DNAJC13: variants seen among roughly 807,000 people sequenced by gnomAD.
DNAJC13 encodes dnaJ homolog subfamily C member 13.
A neutral mutation model predicts 290.5 loss-of-function variants in DNAJC13; 75 were observed. The observed-to-expected ratio is 0.26, with a 90% CI of 0.21 to 0.31. DNAJC13 has a LOEUF of 0.31. Ranked by LOEUF, DNAJC13 falls within the 10% of genes least tolerant of loss-of-function variation. DNAJC13 has a pLI of 1.00. For synonymous variants in DNAJC13, 862 were observed against 892.0 expected (o/e 0.97, Z 0.60); for missense variants, 2,260 against 2,674.5 (o/e 0.85, Z 3.42).
Position 132,481,245 on chromosome 3 carries a change from T to C in DNAJC13, c.2874+775T>C, listed in dbSNP as rs115365651. 1.9e-3 allele frequency among the ~76,000 whole-genome samples: 282 copies of C among 152,276 alleles called. 3 individuals carry two copies. Among genetic ancestry groups the C allele is most frequent in the African/African-American group, 6.5e-3 (272 of 41,548 alleles). ...GAGTCTAACTGAAAGCTGATAATTA[T>C]GGCAGTATTTAAAAACATGTTATTT... On this transcript the variant is annotated intron_variant, in intron 26 of 55. Coordinates refer to ENST00000260818, the MANE Select transcript of DNAJC13 (RefSeq NM_015268.4).
In DNAJC13 at chr3:132,474,937, G is replaced by T; in HGVS notation, c.2297G>T (p.Gly766Val). Residue 766 changes from glycine (G) to valine (V), a missense_variant, in exon 22 of 56, where the codon GGT becomes GTT. Gly to Val is a moderately radical substitution (Grantham distance 109). Coordinates refer to ENST00000260818, the MANE Select transcript of DNAJC13 (RefSeq NM_015268.4). ...ANWDLFYYRF[G>V]QDHARSNLIW... is the part of the protein sequence containing the mutation. Reference sequence around the variant, plus strand: ...CTCATTATATGTATGTCTAGGTTTGGTCAAGACCATGCCAGGTCAAACCTT... The same window carrying T: ...CTCATTATATGTATGTCTAGGTTTGTTCAAGACCATGCCAGGTCAAACCTT... 1 of 1,557,066 alleles carries T rather than the reference G, an allele frequency of 6.4e-7. No individual in the cohort carries two copies. The highest frequency in any genetic ancestry group is 8.7e-7 in the Non-Finnish European group (1 of 1,148,330).
intron 43 of DNAJC13, 123 bp from the exon 44 acceptor site, chr3:132,510,944 A>G: frequency 9.5e-7 from 1 of 1,048,974 alleles, no homozygotes; most frequent in Non-Finnish European, 1.4e-6. Flanking sequence ...GCATAGGTGT[A>G]TTCATGTGTA....
chr3:132,495,121 C>T lies in DNAJC13; in HGVS notation c.3975C>T (p.Phe1325=). The change falls in exon 35 of 56, where the codon TTC becomes TTT. Residue 1325 remains phenylalanine (F), a synonymous_variant. Coordinates refer to ENST00000260818, the MANE Select transcript of DNAJC13 (RefSeq NM_015268.4). ...HDESKIRKAY[F]RLAQKYHPDK... Reference sequence around the variant, plus strand: ...AGAGCAAGATTAGGAAAGCTTACTTCAGACTTGCACAAAAGTACCACCCTG... The same window carrying T: ...AGAGCAAGATTAGGAAAGCTTACTTTAGACTTGCACAAAAGTACCACCCTG... 1 of 1,613,508 alleles carries T rather than the reference C, an allele frequency of 6.2e-7. No individual in the cohort carries two copies. Among genetic ancestry groups the T allele is most frequent in the Non-Finnish European group, 8.5e-7 (1 of 1,179,584 alleles).
At chr3:132,455,529 CA>C (rs1379444458) in intron 9 of DNAJC13, among the ~76,000 whole-genome samples, 8 of 152,178 alleles carry the variant, frequency 5.3e-5, no homozygotes, top group Admixed American at 2.0e-4. Context: ...GAGAGACTTG[CA>C]CATGAATGTT....
Position 132,499,106 on chromosome 3 carries a change from C to G in DNAJC13, c.4157-20C>G. On this transcript the variant is annotated intron_variant, in intron 36 of 55. Transcript: ENST00000260818. Reference sequence around the variant, plus strand: ...TCAATTTTGTTTTGTTTTTCTAACACTAACCATTGGTTATTTCAGATTTAC... The same window carrying G: ...TCAATTTTGTTTTGTTTTTCTAACAGTAACCATTGGTTATTTCAGATTTAC... 1 of 1,544,302 alleles carries G rather than the reference C, an allele frequency of 6.5e-7. No homozygotes were observed. Among genetic ancestry groups the G allele is most frequent in the African/African-American group, 1.4e-5 (1 of 72,860 alleles).
At chr3:132,461,919 C>G (rs1310152171) in intron 15 of DNAJC13, among the ~76,000 whole-genome samples, 1 of 152,032 alleles carries the variant, frequency 6.6e-6, no homozygotes, top group Non-Finnish European at 1.5e-5. Flanking sequence ...TCTCATGCCC[C>G]TGAGCTTAAG....
intron 13 of DNAJC13, among the ~76,000 whole-genome samples, chr3:132,459,134 C>A (rs1933711417): frequency 6.6e-6 from 1 of 152,132 alleles, no homozygotes; most frequent in Non-Finnish European, 1.5e-5. Flanking sequence ...GGACTTAAGG[C>A]CCAAGTAACT....
chr3:132,442,190 A>G (rs990627280), intron 2 of DNAJC13, among the ~76,000 whole-genome samples: 2 of 151,740 alleles, frequency 1.3e-5, no homozygotes, highest in Non-Finnish European at 2.9e-5. Flanking sequence ...GTCTTTTTCA[A>G]CATGGGGTCT....
chr3:132,434,201 C>T (rs2107649246), intron 1 of DNAJC13, among the ~76,000 whole-genome samples: 1 of 146,152 alleles, frequency 6.8e-6, no homozygotes. Flanking sequence ...CAGTGCGAGA[C>T]TCCATCTCAA....
At chr3:132,460,999 T>C (rs1483228681) in intron 14 of DNAJC13, 51 bp from the exon 15 acceptor site, 1 of 1,539,580 alleles carries the variant, frequency 6.5e-7, no homozygotes, top group African/African-American at 1.4e-5. Context: ...AAAATTTAAC[T>C]GAAGGTCCCC....
chr3:132,529,810 T>C (rs995948508), intron 54 of DNAJC13, among the ~76,000 whole-genome samples: 6 of 150,456 alleles, frequency 4.0e-5, no homozygotes, highest in Non-Finnish European at 8.9e-5. Flanking sequence ...AAAAGAGATA[T>C]TAAAGAAGAG....
intron 39 of DNAJC13, among the ~76,000 whole-genome samples, chr3:132,501,345 C>A (rs1559900996): frequency 6.6e-6 from 1 of 152,036 alleles, no homozygotes; most frequent in Admixed American, 6.6e-5. Flanking sequence ...CAAAAAAATA[C>A]AAAAATTAGC....
At chr3:132,490,793 T>A in intron 31 of DNAJC13, 104 bp from the exon 32 acceptor site, 2 of 1,178,316 alleles carry the variant, frequency 1.7e-6, no homozygotes, top group South Asian at 1.8e-5. Context: ...TTGTTCCAAT[T>A]GTGTTCTTTT....
chr3:132,430,134 C>T (rs1939203517), intron 1 of DNAJC13, among the ~76,000 whole-genome samples: 1 of 152,068 alleles, frequency 6.6e-6, no homozygotes, highest in Admixed American at 6.5e-5. Flanking sequence ...TTCTCATACT[C>T]CTTTTATCTG....
At chr3:132,524,829 G>A (rs889973753) in intron 51 of DNAJC13, among the ~76,000 whole-genome samples, 2 of 152,144 alleles carry the variant, frequency 1.3e-5, no homozygotes, top group Non-Finnish European at 2.9e-5. Context: ...TTCTGGATGT[G>A]TGCATCTAGT....
At chr3:132,503,690 A>G (rs1453650007) in intron 41 of DNAJC13, among the ~76,000 whole-genome samples, 1 of 152,210 alleles carries the variant, frequency 6.6e-6, no homozygotes, top group East Asian at 1.9e-4. Context: ...ATGGCAGACT[A>G]CTGGGAGACA....
chr3:132,447,750 T>C, intron 4 of DNAJC13, 148 bp from the exon 5 acceptor site: 2 of 697,444 alleles, frequency 2.9e-6, no homozygotes, highest in Non-Finnish European at 4.9e-6. Flanking sequence ...ACTCTTTTTA[T>C]TGAATATTCT....
chr3:132,528,830 G>A (rs1033578870), intron 54 of DNAJC13, among the ~76,000 whole-genome samples: 2 of 151,616 alleles, frequency 1.3e-5, no homozygotes, highest in South Asian at 2.1e-4. Context: ...TCAGCTGCAC[G>A]TATTTGCTGA....
At chr3:132,480,508 C>T (rs751400729) in intron 26 of DNAJC13, 38 bp downstream of exon 26, 1 of 1,442,682 alleles carries the variant, frequency 6.9e-7, no homozygotes, top group African/African-American at 1.4e-5. Flanking sequence ...ATTTAACGTT[C>T]TTTGAGTATA....
Sources: allele counts gnomAD v4.1 joint callset (sites outside exome capture counted in the v4.1 genomes callset), GRCh38; gene constraint gnomAD v4.1.1; transcripts MANE v1.5; gene names NCBI Gene and HGNC (gene_info 2026-07-23, HGNC 2026-07-21).